PKHD1: variants seen among roughly 807,000 people sequenced by gnomAD.
PKHD1 encodes the protein fibrocystin.
PKHD1 carries 291 observed loss-of-function variants against 412.0 expected under a neutral mutation model. That is an observed-to-expected ratio of 0.71 (90% CI 0.64 to 0.78). The LOEUF (loss-of-function observed/expected upper bound fraction) is 0.78, where lower values mean the gene tolerates loss of function less well. PKHD1 is among the 30% of genes least tolerant of loss of function. The probability of loss-of-function intolerance (pLI) is 0.00; values close to 1 mark genes in which losing one functional copy is unlikely to be tolerated. For synonymous variants in PKHD1, 1,777 were observed against 1,821.5 expected (o/e 0.98, Z 0.62); for missense variants, 4,825 against 4,950.7 (o/e 0.97, Z 0.76).
chr6:51,824,718 C>T (rs11756285), intron 52 of PKHD1, among the ~76,000 whole-genome samples: 15,259 of 152,160 alleles, frequency 0.1, 842 homozygotes, highest in East Asian at 0.15. Flanking sequence ...TCTTTAATGT[C>T]TACCCTGAAA....
At position 52,024,661 on chromosome 6, in the gene PKHD1, T is replaced by C. The variant is rs533522031; in HGVS notation, c.5149A>G (p.Arg1717Gly). Reference protein sequence around the residue: ...PSLPAGEYHVRGYDCIRGWAS... With the variant: ...PSLPAGEYHVGGYDCIRGWAS... ...CACCCTCTGATGCAGTCATAGCCTC[T>C]GACGTGGTACTCCCCGGCCGGAAGG... The change falls in exon 32 of 67, where the codon AGA (arginine) becomes GGA (glycine). Residue 1717 changes from arginine to glycine, a missense_variant. By Grantham distance (125) the Arg-to-Gly change is moderately radical. Coordinates refer to ENST00000371117, the MANE Select transcript of PKHD1 (RefSeq NM_138694.4). 2 of 1,614,160 alleles carry C rather than the reference T, an allele frequency of 1.2e-6. No individual in the cohort carries two copies. Among genetic ancestry groups the C allele is most frequent in the Admixed American group, 3.3e-5 (2 of 60,026 alleles).
In PKHD1 at chr6:51,847,826, G is replaced by C; in HGVS notation, c.8056C>G (p.Gln2686Glu). 6.2e-7 allele frequency: 1 copy of C among 1,614,030 alleles called. No individual in the cohort carries two copies. Residue 2686 changes from glutamine (Q) to glutamate (E), a missense_variant, in exon 50 of 67, where the codon CAA becomes GAA. Coordinates refer to ENST00000371117, the MANE Select transcript of PKHD1 (RefSeq NM_138694.4). ...FPFLPSPGQN[Q>E]GCDWFFNSQL... is the part of the protein sequence containing the mutation. ...CTATTGAAGAACCAGTCACAGCCTT[G>C]GTTCTGACCTGGTGATGGAAGAAAT...
Position 51,872,548 on chromosome 6 carries a change from A to G in PKHD1, c.7351-1909T>C, listed in dbSNP as rs1323654286. 2.6e-5 allele frequency among the ~76,000 whole-genome samples: 4 copies of G among 152,238 alleles called. 1 individual carries two copies. Among genetic ancestry groups the G allele is most frequent in the Non-Finnish European group, 4.4e-5 (3 of 68,016 alleles). On this transcript the variant is annotated intron_variant, in intron 46 of 66. Coordinates refer to ENST00000371117, the MANE Select transcript of PKHD1 (RefSeq NM_138694.4). ...TTCAGCCTCCCGAGTAGCTGGGACT[A>G]CAGGTGCTTGCCACCACATCTGGCT...
chr6:51,646,130 C>T (rs910413689), intron 63 of PKHD1, among the ~76,000 whole-genome samples: 29 of 152,180 alleles, frequency 1.9e-4, no homozygotes, highest in African/African-American at 7.0e-4. Context: ...AATGTTCCAT[C>T]GAACCCTTCT....
At chr6:51,767,590 G>C (rs1265571326) in intron 55 of PKHD1, among the ~76,000 whole-genome samples, 3 of 152,092 alleles carry the variant, frequency 2.0e-5, no homozygotes, top group Non-Finnish European at 2.9e-5. Flanking sequence ...CCTTGTGATA[G>C]TTTGATGAGA....
At chr6:51,874,914 C>A (rs1180477711) in intron 46 of PKHD1, among the ~76,000 whole-genome samples, 1 of 85,392 alleles carries the variant, frequency 1.2e-5, no homozygotes. Context: ...GCGCACCGTG[C>A]GCGAGCCGAA....
At chr6:51,625,366 G>A (rs1767100106) in intron 66 of PKHD1, among the ~76,000 whole-genome samples, 1 of 152,132 alleles carries the variant, frequency 6.6e-6, no homozygotes, top group African/African-American at 2.4e-5. Flanking sequence ...TTTCATAGCT[G>A]GTAATAATTT....
intron 65 of PKHD1, among the ~76,000 whole-genome samples, chr6:51,631,410 T>C (rs113303526): frequency 0.011 from 1,628 of 152,282 alleles, 37 homozygotes; most frequent in African/African-American, 0.037. Flanking sequence ...TACCAGGCTG[T>C]AGCTCAGTTC....
In PKHD1 at chr6:51,740,333, G is replaced by A. The variant is rs557163869; in HGVS notation, c.10156+4052C>T. ...CTAATATGACAATATGCTGGGACCT[G>A]TGGATATCTGTCTGGGTGAGTAGTT... is the stretch of plus-strand genomic sequence containing the variant. On this transcript the variant is annotated intron_variant, in intron 60 of 66. Transcript: ENST00000371117. Among the ~76,000 whole-genome samples the A allele has an allele frequency of 1.4e-4, 21 of 152,308 alleles. No individual in the cohort carries two copies. The South Asian group carries it at 3.9e-3, about 29-fold the overall frequency.
chr6:51,682,404 T>C (rs1776807349), intron 60 of PKHD1, among the ~76,000 whole-genome samples: 1 of 152,096 alleles, frequency 6.6e-6, no homozygotes, highest in Non-Finnish European at 1.5e-5. Context: ...ATTTGCCTTC[T>C]TTTCCAGTGT....
intron 53 of PKHD1, among the ~76,000 whole-genome samples, chr6:51,780,383 T>C (rs1177451579): frequency 6.7e-6 from 1 of 149,284 alleles, no homozygotes; most frequent in Non-Finnish European, 1.5e-5. Context: ...AAAGACTCCA[T>C]CTCAAAGAAA....
Position 51,903,669 on chromosome 6 carries a change from G to A in PKHD1, c.6924C>T (p.Ala2308=), listed in dbSNP as rs373795139. Residue 2308 remains alanine, a synonymous_variant, in exon 43 of 67, where the codon GCC becomes GCT. Transcript: ENST00000371117. Reference sequence around the variant, plus strand: ...ACATTTCAGGATTGGAGAGTCCCTCGGCACCAGAAACCTGGATGATCACGT... The same window carrying A: ...ACATTTCAGGATTGGAGAGTCCCTCAGCACCAGAAACCTGGATGATCACGT... ...RNNVIIQVSG[A]EGLSNPEMLT... 4.3e-5 allele frequency: 70 copies of A among 1,610,340 alleles called. No homozygotes were observed. The highest frequency in any genetic ancestry group is 1.7e-4 in the Middle Eastern group (1 of 6,048).
At chr6:51,677,744 T>C (rs1582025950) in intron 60 of PKHD1, among the ~76,000 whole-genome samples, 1 of 152,126 alleles carries the variant, frequency 6.6e-6, no homozygotes, top group Non-Finnish European at 1.5e-5. Flanking sequence ...AGTTGTTGCA[T>C]TGATAAAAAA....
At position 51,912,522 on chromosome 6, in the gene PKHD1, T is replaced by C; in HGVS notation, c.6176A>G (p.Asp2059Gly). 1 of 1,613,382 alleles carries C rather than the reference T, an allele frequency of 6.2e-7. No individual in the cohort carries two copies. Among genetic ancestry groups the C allele is most frequent in the Non-Finnish European group, 8.5e-7 (1 of 1,179,502 alleles). ...AGCATCTTCTAAAGCCAGCACTGTG[T>C]CTAGGGCATGGGCAGTTGCTCTAAG... The part of the protein sequence containing the change: ...TCLRATAHAL[D>G]TVLALEDAVD... Residue 2059 changes from aspartate (D) to glycine (G), a missense_variant, in exon 38 of 67, where the codon GAC (aspartate) becomes GGC (glycine). Coordinates refer to ENST00000371117, the MANE Select transcript of PKHD1 (RefSeq NM_138694.4).
chr6:51,695,397 T>C (rs918274519), intron 60 of PKHD1, among the ~76,000 whole-genome samples: 1 of 151,764 alleles, frequency 6.6e-6, no homozygotes, highest in Non-Finnish European at 1.5e-5. Context: ...GAAACATAAA[T>C]ATTGCTTTGC....
At position 52,062,659 on chromosome 6, in the gene PKHD1, G is replaced by C. The variant is rs759233307; in HGVS notation, c.978C>G (p.Gly326=). 40 of 1,613,934 alleles carry C rather than the reference G, an allele frequency of 2.5e-5. No homozygotes were observed. The highest frequency in any genetic ancestry group is 1.5e-4 in the South Asian group (14 of 91,086). ...KDVRLTTPQP[G]NRGLLFEVGD... ...CAACTTCAAAAAGAAGCCCTCGATT[G>C]CCTGTAAGACATGTAGATCGCATAA... Residue 326 remains glycine, a splice_region_variant and synonymous_variant, in exon 14 of 67, where the codon GGC becomes GGG. Coordinates refer to ENST00000371117, the MANE Select transcript of PKHD1 (RefSeq NM_138694.4).
At chr6:51,716,396 A>G (rs1383181485) in intron 60 of PKHD1, among the ~76,000 whole-genome samples, 1 of 152,216 alleles carries the variant, frequency 6.6e-6, no homozygotes. Context: ...AAAGCTTTCA[A>G]AATTGTAAAT....
chr6:52,015,562 C>G (rs1018808638), intron 34 of PKHD1, among the ~76,000 whole-genome samples: 1 of 152,004 alleles, frequency 6.6e-6, no homozygotes, highest in African/African-American at 2.4e-5. Flanking sequence ...CAGTGGCTCA[C>G]GCCTGTAATC....
In PKHD1 at chr6:52,069,454, T is replaced by C. The variant is rs1202008566; in HGVS notation, c.778+3A>G. 1.2e-6 allele frequency: 2 copies of C among 1,603,414 alleles called. No individual in the cohort carries two copies. The highest frequency in any genetic ancestry group is 3.3e-5 in the Admixed American group (2 of 59,996). On this transcript the variant is annotated splice_donor_region_variant and intron_variant, in intron 11 of 66. Transcript: ENST00000371117. ...AGGGGTACTTGGTGAAGGGGGATAG[T>C]ACCTGAGTGTGTCTGGTATAGGAAA...
Sources: gnomAD v4.1 joint callset for allele counts (sites outside exome capture counted in the v4.1 genomes callset) on GRCh38, gnomAD v4.1.1 for gene constraint, MANE v1.5 for transcripts, NCBI Gene and HGNC (gene_info 2026-07-23, HGNC 2026-07-21) for gene names.